Variants in CNBD2 observed in about 807,000 individuals in gnomAD.
CNBD2 encodes the protein cyclic nucleotide binding domain containing 2, also known as cyclic nucleotide-binding domain-containing protein 2.
CNBD2 carries 64 observed loss-of-function variants against 63.7 expected under a neutral mutation model. That is an observed-to-expected ratio of 1.00 (90% CI 0.82 to 1.24). The LOEUF (loss-of-function observed/expected upper bound fraction) is 1.24, where lower values mean the gene tolerates loss of function less well. CNBD2 is among the 50% of genes most tolerant of loss of function. The pLI is 0.00. For missense variants in CNBD2, 691 were observed against 713.5 expected (o/e 0.97, Z 0.36); for synonymous variants, 229 against 255.4 (o/e 0.90, Z 0.99).
intron 3 of CNBD2, among the ~76,000 whole-genome samples, chr20:35,977,611 G>A (rs991454873): frequency 1.3e-5 from 2 of 152,202 alleles, no homozygotes; most frequent in Non-Finnish European, 2.9e-5. Context: ...CTGGGAAATC[G>A]AGGTCGCAGT....
chr20:35,977,174 G>A (rs546570507), intron 3 of CNBD2, among the ~76,000 whole-genome samples: 16 of 152,320 alleles, frequency 1.1e-4, no homozygotes, highest in Non-Finnish European at 1.9e-4. Context: ...TCTGTGCACC[G>A]CAGTAGAGGG....
intron 11 of CNBD2, among the ~76,000 whole-genome samples, chr20:36,029,827 T>G (rs555291773): frequency 6.6e-6 from 1 of 152,208 alleles, no homozygotes; most frequent in East Asian, 1.9e-4. Flanking sequence ...TGCTGTGGTC[T>G]CAGGAGGCCT....
intron 11 of CNBD2, among the ~76,000 whole-genome samples, chr20:36,024,162 C>T (rs180989415): frequency 6.6e-6 from 1 of 151,534 alleles, no homozygotes; most frequent in Non-Finnish European, 1.5e-5. Context: ...ATAGTAAAAC[C>T]CCATCTCTAC....
intron 11 of CNBD2, among the ~76,000 whole-genome samples, chr20:36,029,646 A>G (rs1474327677): frequency 6.6e-6 from 1 of 152,116 alleles, no homozygotes; most frequent in East Asian, 1.9e-4. Flanking sequence ...AGCCATGCTG[A>G]CCTCTGAGTT....
intron 3 of CNBD2, among the ~76,000 whole-genome samples, chr20:35,979,279 G>A (rs947423426): frequency 1.5e-4 from 23 of 152,174 alleles, no homozygotes; most frequent in African/African-American, 3.6e-4. Context: ...ATTAGGCTGT[G>A]TAACATCCCC....
intron 1 of CNBD2, among the ~76,000 whole-genome samples, chr20:35,971,967 A>C (rs2056425658): frequency 6.6e-6 from 1 of 152,160 alleles, no homozygotes; most frequent in South Asian, 2.1e-4. Context: ...AGGGTGGCCC[A>C]TCTTGGATTA....
At chr20:35,979,026 G>A (rs1015343208) in intron 3 of CNBD2, among the ~76,000 whole-genome samples, 2 of 152,160 alleles carry the variant, frequency 1.3e-5, no homozygotes, top group Non-Finnish European at 2.9e-5. Context: ...GATGTTAATG[G>A]CTAATTTTGG....
intron 2 of CNBD2, among the ~76,000 whole-genome samples, chr20:35,975,665 C>T (rs1019868379): frequency 1.3e-5 from 2 of 151,984 alleles, no homozygotes; most frequent in African/African-American, 4.8e-5. Context: ...GCTTTTCCCC[C>T]TTCCTTTTCT....
intron 3 of CNBD2, among the ~76,000 whole-genome samples, chr20:35,978,558 G>C (rs908180564): frequency 6.6e-6 from 1 of 152,034 alleles, no homozygotes. Flanking sequence ...GTTAGCCAGG[G>C]TAGTCTTGAT....
chr20:35,971,981 GTTAT>G (rs911585549), intron 1 of CNBD2, among the ~76,000 whole-genome samples: 2 of 152,098 alleles, frequency 1.3e-5, no homozygotes, highest in African/African-American at 4.8e-5. Flanking sequence ...TGGATTAGGT[GTTAT>G]ATAAGTTTTC....
rs1294471892 is a variant in CNBD2 at position 36,019,515 on chromosome 20, T to A, written c.1270-4087T>A. On this transcript the variant is annotated intron_variant, in intron 10 of 11. Coordinates refer to ENST00000373973, the MANE Select transcript of CNBD2 (RefSeq NM_001365709.1). Reference sequence around the variant, plus strand: ...TCCAGCCTAGGGACAGAGTGAGACCTTGTCTCAAAAAAAGAAAAAAAAAAA... The same window carrying A: ...TCCAGCCTAGGGACAGAGTGAGACCATGTCTCAAAAAAAGAAAAAAAAAAA... Among the ~76,000 whole-genome samples, 6 of 130,262 alleles carry A rather than the reference T, an allele frequency of 4.6e-5. No homozygotes were observed. The East Asian group carries it at 1.3e-3, about 29-fold the overall frequency. The allele number at this position is 130,262 out of a possible 152,430, so 85.5% of individuals were successfully genotyped here. A position where few individuals can be genotyped will look rare whatever the true frequency, so the allele number is the denominator to read the frequency against.
chr20:35,998,321 G>A (rs895323268), intron 8 of CNBD2, among the ~76,000 whole-genome samples: 8 of 151,904 alleles, frequency 5.3e-5, no homozygotes, highest in Non-Finnish European at 1.2e-4. Context: ...GATTATAGGC[G>A]TGAGCCACCA....
chr20:36,030,313 G>A (rs377672993), intron 11 of CNBD2, 44 bp from the exon 12 acceptor site: 294 of 1,598,712 alleles, frequency 1.8e-4, no homozygotes, highest in Non-Finnish European at 2.4e-4. Flanking sequence ...GGCTGGAGGG[G>A]CGGGACTGGC....
At chr20:35,973,909 C>CAGG (rs2056461011) in intron 2 of CNBD2, 2 of 152,190 alleles carry the variant, frequency 1.3e-5, no homozygotes, top group African/African-American at 4.8e-5. Context: ...TGGACAAATC[C>CAGG]TGCCCATTTT....
chr20:36,006,847 G>A (rs1050517272), intron 8 of CNBD2, among the ~76,000 whole-genome samples: 1 of 152,088 alleles, frequency 6.6e-6, no homozygotes, highest in Non-Finnish European at 1.5e-5. Flanking sequence ...CCACTGATTT[G>A]TTTTCTATCA....
intron 8 of CNBD2, among the ~76,000 whole-genome samples, chr20:36,001,700 G>A (rs1346765972): frequency 6.6e-6 from 1 of 150,522 alleles, no homozygotes; most frequent in South Asian, 2.1e-4. Context: ...GGGCAGAGAC[G>A]CTCCTCACCT....
Position 35,984,086 on chromosome 20 carries a change from G to T in CNBD2, c.512G>T (p.Ser171Ile). ...VAITKDEDGS[S>I]AFLDPHPKLL... ...ATAACCAAGGACGAGGATGGCAGCA[G>T]TGCCTTCCTAGATCCCCACCCGAAA... is the stretch of plus-strand genomic sequence containing the variant. The change falls in exon 5 of 12, where the codon AGT (serine) becomes ATT (isoleucine). Residue 171 changes from serine (S) to isoleucine (I), a missense_variant. Coordinates refer to ENST00000373973, the MANE Select transcript of CNBD2 (RefSeq NM_001365709.1). 6.2e-7 allele frequency: 1 copy of T among 1,613,828 alleles called. No homozygotes were observed. Among genetic ancestry groups the T allele is most frequent in the Non-Finnish European group, 8.5e-7 (1 of 1,179,824 alleles).
intron 4 of CNBD2, among the ~76,000 whole-genome samples, chr20:35,982,899 G>A (rs2056615738): frequency 6.6e-6 from 1 of 151,976 alleles, no homozygotes; most frequent in Non-Finnish European, 1.5e-5. Flanking sequence ...TTTTTGTAGA[G>A]ATGAGGTTTC....
At chr20:35,961,085 A>G (rs2056305886) in intron 2 of CNBD2, among the ~76,000 whole-genome samples, 1 of 151,762 alleles carries the variant, frequency 6.6e-6, no homozygotes, top group Non-Finnish European at 1.5e-5. Context: ...GCCTGCCACC[A>G]CACCCGGTTA....
Sources: gnomAD v4.1 joint callset for allele counts (sites outside exome capture counted in the v4.1 genomes callset) on GRCh38, gnomAD v4.1.1 for gene constraint, MANE v1.5 for transcripts, NCBI Gene and HGNC (gene_info 2026-07-23, HGNC 2026-07-21) for gene names.